Variants in TRIO observed in about 807,000 individuals in gnomAD.
The protein encoded by TRIO is triple functional domain protein.
In TRIO, 58 loss-of-function variants were observed where a neutral mutation model predicts 351.9. The ratio of observed to expected loss-of-function variants is 0.16; its 90% CI spans 0.13 to 0.21. The LOEUF (loss-of-function observed/expected upper bound fraction) is 0.21, where lower values mean the gene tolerates loss of function less well. TRIO is among the 10% of genes least tolerant of loss of function. TRIO has a pLI of 1.00. For synonymous variants in TRIO, 1,758 were observed against 1,595.7 expected (o/e 1.10, Z -2.42); for missense variants, 3,201 against 4,027.8 (o/e 0.79, Z 5.56).
chr5:14,213,941 G>A (rs951830340), intron 1 of TRIO, among the ~76,000 whole-genome samples: 8 of 152,190 alleles, frequency 5.3e-5, no homozygotes, highest in African/African-American at 1.2e-4. Context: ...TGTATTGAGC[G>A]GGAGGATGAA....
chr5:14,451,400 A>C (rs768585763), intron 34 of TRIO, among the ~76,000 whole-genome samples: 4 of 152,232 alleles, frequency 2.6e-5, no homozygotes, highest in Admixed American at 1.3e-4. Context: ...TAGAGATGAC[A>C]ATCATTTACT....
At chr5:14,220,492 G>T (rs1265770076) in intron 1 of TRIO, among the ~76,000 whole-genome samples, 11 of 152,208 alleles carry the variant, frequency 7.2e-5, no homozygotes, top group Non-Finnish European at 1.2e-4. Context: ...AGCTAGAAAT[G>T]ATTAAACCTA....
rs1756992096 is a variant in TRIO, at chr5:14,497,677, T to C, written c.8020-170T>C. Among the ~76,000 whole-genome samples, 1 of 152,138 alleles carries C rather than the reference T, an allele frequency of 6.6e-6. No individual in the cohort carries two copies. The highest frequency in any genetic ancestry group is 1.5e-5 in the Non-Finnish European group (1 of 68,032). On this transcript the variant is annotated intron_variant, in intron 50 of 56. Transcript: ENST00000344204. The surrounding 1 kb of genome is among the most constrained non-coding windows in gnomAD (Gnocchi z 4.4). ...TAGGAAGAAAAAGACCCACCCAAATTAGTGTGACATGAAACTTTTGAGTGC... is the reference window on the plus strand; with the variant it reads ...TAGGAAGAAAAAGACCCACCCAAATCAGTGTGACATGAAACTTTTGAGTGC...
intron 1 of TRIO, among the ~76,000 whole-genome samples, chr5:14,222,130 A>G (rs1581384104): frequency 7.3e-6 from 1 of 136,782 alleles, no homozygotes; most frequent in Admixed American, 7.6e-5. Flanking sequence ...TGATGTTAGC[A>G]CTTTTTCTTT....
In TRIO at chr5:14,461,254, C is replaced by G. The variant is rs954398079; in HGVS notation, c.5439C>G (p.Gly1813=). ...SREVRKSADA[G]SQKDSDDSAA... ...AGGTCCGCAAGAGCGCCGACGCCGG[C>G]TCGCAGAAGGACTCCGACGACAGTG... Residue 1813 remains glycine (G), a synonymous_variant, in exon 35 of 57, where the codon GGC becomes GGG. Transcript: ENST00000344204. 1.3e-6 allele frequency: 2 copies of G among 1,595,208 alleles called. No individual in the cohort carries two copies. Among genetic ancestry groups the G allele is most frequent in the Non-Finnish European group, 1.7e-6 (2 of 1,172,484 alleles).
chr5:14,404,777 A>G (rs959839144), intron 31 of TRIO, among the ~76,000 whole-genome samples: 4 of 151,962 alleles, frequency 2.6e-5, no homozygotes, highest in African/African-American at 9.7e-5. Context: ...CCCTGTCACT[A>G]CCTGTTAGTA....
At chr5:14,192,685 A>G (rs1394022454) in intron 1 of TRIO, among the ~76,000 whole-genome samples, 1 of 152,242 alleles carries the variant, frequency 6.6e-6, no homozygotes, top group Non-Finnish European at 1.5e-5. Flanking sequence ...CAAGAATACA[A>G]GAGAGGAAGG....
At chr5:14,415,260 GTTC>G (rs1749542611) in intron 33 of TRIO, among the ~76,000 whole-genome samples, 1 of 152,252 alleles carries the variant, frequency 6.6e-6, no homozygotes, top group East Asian at 1.9e-4. Flanking sequence ...TTAGACTCTT[GTTC>G]TTGAAGTAGA....
chr5:14,200,753 C>T (rs921650163), intron 1 of TRIO, among the ~76,000 whole-genome samples: 3 of 150,054 alleles, frequency 2.0e-5, no homozygotes, highest in East Asian at 2.1e-4. Flanking sequence ...TGGAAATATA[C>T]GACTCCTACT....
At chr5:14,445,899 G>T (rs1752400034) in intron 34 of TRIO, among the ~76,000 whole-genome samples, 2 of 152,170 alleles carry the variant, frequency 1.3e-5, no homozygotes, top group South Asian at 4.1e-4. Context: ...CAGTTAAAAA[G>T]AAAGACAGCA....
At chr5:14,388,490 C>A in intron 23 of TRIO, 123 bp from the exon 24 acceptor site, 2 of 960,040 alleles carry the variant, frequency 2.1e-6, no homozygotes, top group Non-Finnish European at 3.2e-6. Flanking sequence ...ATTCACCTCT[C>A]CAAAATGATC....
chr5:14,291,743 C>T (rs914228763), intron 5 of TRIO, among the ~76,000 whole-genome samples: 16 of 133,372 alleles, frequency 1.2e-4, no homozygotes, highest in Admixed American at 6.2e-4. Flanking sequence ...GAGCCAAGAT[C>T]GTGCCATTGC....
chr5:14,192,111 A>G (rs529309449), intron 1 of TRIO, among the ~76,000 whole-genome samples: 1 of 152,344 alleles, frequency 6.6e-6, no homozygotes, highest in African/African-American at 2.4e-5. Flanking sequence ...GGCAATAATG[A>G]TGACAATAAT....
intron 1 of TRIO, among the ~76,000 whole-genome samples, chr5:14,256,353 G>A (rs1157720945): frequency 6.6e-6 from 1 of 152,128 alleles, no homozygotes; most frequent in East Asian, 1.9e-4. Context: ...CCTCCAGCAT[G>A]GGAGGTCACA....
At chr5:14,490,831 G>C in intron 48 of TRIO, 1 of 456,030 alleles carries the variant, frequency 2.2e-6, no homozygotes, top group South Asian at 1.5e-5. Flanking sequence ...GTTGTTTTTT[G>C]TTTACATATT....
intron 9 of TRIO, among the ~76,000 whole-genome samples, chr5:14,320,349 G>C (rs183099568): frequency 6.6e-6 from 1 of 152,152 alleles, no homozygotes; most frequent in Admixed American, 6.5e-5. Flanking sequence ...TGCCTCAACT[G>C]TTCGGCTGGC....
intron 31 of TRIO, 67 bp downstream of exon 31, chr5:14,401,131 T>G (rs1228445778): frequency 7.6e-7 from 1 of 1,315,338 alleles, no homozygotes; most frequent in African/African-American, 1.5e-5. Context: ...TGCTTGCTTT[T>G]CCGTTGTTTT....
At chr5:14,212,667 C>G (rs560176734) in intron 1 of TRIO, among the ~76,000 whole-genome samples, 14 of 152,224 alleles carry the variant, frequency 9.2e-5, no homozygotes, top group African/African-American at 3.4e-4. Flanking sequence ...CTATGTCCCC[C>G]CAATCCCCAA....
intron 34 of TRIO, among the ~76,000 whole-genome samples, chr5:14,421,234 TTA>T (rs1253530114): frequency 1.7e-4 from 18 of 106,466 alleles, no homozygotes; most frequent in African/African-American, 8.2e-4. Context: ...TTTATTTATT[TTA>T]TTTTATTTTA....
Sources: gnomAD v4.1 joint callset for allele counts (sites outside exome capture counted in the v4.1 genomes callset) on GRCh38, gnomAD v4.1.1 for gene constraint, Gnocchi (gnomAD v3.1) non-coding constraint, MANE v1.5 for transcripts, NCBI Gene and HGNC (gene_info 2026-07-23, HGNC 2026-07-21) for gene names.